PDCD6IP: variants seen among roughly 807,000 people sequenced by gnomAD.
PDCD6IP encodes programmed cell death 6 interacting protein.
A neutral mutation model predicts 103.7 loss-of-function variants in PDCD6IP; 43 were observed. That is an observed-to-expected ratio of 0.41 (90% CI 0.32 to 0.53). The LOEUF (loss-of-function observed/expected upper bound fraction) is 0.53, where lower values mean the gene tolerates loss of function less well. PDCD6IP is among the 20% of genes least tolerant of loss of function. The probability of loss-of-function intolerance (pLI) is 0.16; values close to 1 mark genes in which losing one functional copy is unlikely to be tolerated. For missense variants in PDCD6IP, 871 were observed against 1,036.7 expected (o/e 0.84, Z 2.20); for synonymous variants, 354 against 378.7 (o/e 0.93, Z 0.76).
At chr3:33,832,104 G>A (rs1340827793) in intron 7 of PDCD6IP, among the ~76,000 whole-genome samples, 3 of 152,136 alleles carry the variant, frequency 2.0e-5, no homozygotes, top group Non-Finnish European at 2.9e-5. Context: ...CCATAAACTG[G>A]GTGGTTTAAA....
At chr3:33,806,676 C>G (rs1433265973) in intron 1 of PDCD6IP, among the ~76,000 whole-genome samples, 1 of 152,162 alleles carries the variant, frequency 6.6e-6, no homozygotes, top group Non-Finnish European at 1.5e-5. Flanking sequence ...GAGTCTGCTG[C>G]TATAGTAAAG....
chr3:33,859,649 T>A (rs1051947763), intron 15 of PDCD6IP, among the ~76,000 whole-genome samples: 4 of 152,194 alleles, frequency 2.6e-5, no homozygotes, highest in African/African-American at 9.6e-5. Context: ...TTTTTCAGAT[T>A]GGCAAGAATC....
At chr3:33,826,822 T>C (rs749123057) in intron 6 of PDCD6IP, 37 of 1,263,252 alleles carry the variant, frequency 2.9e-5, no homozygotes, top group Non-Finnish European at 3.7e-5. Flanking sequence ...GCTAGAACTC[T>C]TTCTGGAAAA....
intron 12 of PDCD6IP, among the ~76,000 whole-genome samples, chr3:33,849,224 G>C (rs886533500): frequency 3.3e-5 from 5 of 152,230 alleles, no homozygotes; most frequent in Non-Finnish European, 7.3e-5. Context: ...GCTTCAGCCA[G>C]AGTGGCGTTT....
At chr3:33,853,628 A>G (rs1380693216) in intron 13 of PDCD6IP, among the ~76,000 whole-genome samples, 1 of 152,152 alleles carries the variant, frequency 6.6e-6, no homozygotes, top group East Asian at 1.9e-4. Context: ...TATTTTTTAC[A>G]AGTGTTATAT....
In PDCD6IP at chr3:33,853,913, C is replaced by G. The variant is rs147601956; in HGVS notation, c.1925C>G (p.Ser642Cys). ...SHQEFSKMKQSNNEANLREEV... is the reference protein window; with the variant it reads ...SHQEFSKMKQCNNEANLREEV... ...CAGGAATTTTCAAAAATGAAACAAT[C>G]TAATAATGAAGCTAACTTAAGAGAA... Residue 642 changes from serine to cysteine, a missense_variant, in exon 14 of 18, where the codon TCT becomes TGT. By Grantham distance (112) the Ser-to-Cys change is moderately radical. Coordinates refer to ENST00000307296, the MANE Select transcript of PDCD6IP (RefSeq NM_013374.6). 5.1e-6 allele frequency: 8 copies of G among 1,573,494 alleles called. No individual in the cohort carries two copies. The highest frequency in any genetic ancestry group is 6.0e-6 in the Non-Finnish European group (7 of 1,165,282).
Position 33,849,324 on chromosome 3 carries a change from C to T in PDCD6IP, c.1642-3164C>T, listed in dbSNP as rs544789175. ...CTGTGCAGGGCTTTCTTCCCATTTC[C>T]GTGGCTGTTACCTCTTTTTCATTAG... On this transcript the variant is annotated intron_variant, in intron 12 of 17. Transcript: ENST00000307296. Among the ~76,000 whole-genome samples the T allele has an allele frequency of 1.1e-3, 166 of 152,062 alleles. 1 individual carries two copies. The highest frequency in any genetic ancestry group is 3.5e-3 in the African/African-American group (146 of 41,514).
chr3:33,827,156 C>A (rs1186273433), intron 6 of PDCD6IP: 2 of 984,726 alleles, frequency 2.0e-6, no homozygotes, highest in Non-Finnish European at 1.2e-6. Context: ...TTAATGTAAA[C>A]CTTTCTGAAG....
intron 16 of PDCD6IP, among the ~76,000 whole-genome samples, chr3:33,864,657 G>C (rs6799893): frequency 6.6e-6 from 1 of 152,188 alleles, no homozygotes; most frequent in Non-Finnish European, 1.5e-5. Context: ...TTGGGGAATA[G>C]CATTAGTTTT....
At chr3:33,799,906 G>T (rs1222187308) in intron 1 of PDCD6IP, among the ~76,000 whole-genome samples, 1 of 151,498 alleles carries the variant, frequency 6.6e-6, no homozygotes, top group East Asian at 1.9e-4. Context: ...GGATCACGAG[G>T]TCAGGAGATC....
At chr3:33,851,040 C>T (rs1240269632) in intron 12 of PDCD6IP, among the ~76,000 whole-genome samples, 7 of 152,020 alleles carry the variant, frequency 4.6e-5, no homozygotes, top group African/African-American at 1.5e-4. Flanking sequence ...TTAGCAGAAA[C>T]CTCGAGTCTC....
At chr3:33,811,893 GT>G (rs1414506078) in intron 1 of PDCD6IP, among the ~76,000 whole-genome samples, 178 bp from the exon 2 acceptor site, 1 of 152,126 alleles carries the variant, frequency 6.6e-6, no homozygotes, top group Non-Finnish European at 1.5e-5. Flanking sequence ...TTTGTTCATA[GT>G]TTTTCACTGC....
At chr3:33,859,935 G>A (rs1250051452) in intron 15 of PDCD6IP, among the ~76,000 whole-genome samples, 1 of 152,080 alleles carries the variant, frequency 6.6e-6, no homozygotes, top group African/African-American at 2.4e-5. Flanking sequence ...GACCAGGGCT[G>A]GTGAAATAAA....
At chr3:33,847,359 G>A (rs1298383149) in intron 12 of PDCD6IP, among the ~76,000 whole-genome samples, 1 of 152,162 alleles carries the variant, frequency 6.6e-6, no homozygotes, top group African/African-American at 2.4e-5. Context: ...CAGGAGAAAG[G>A]AACTTTTATA....
At chr3:33,827,749 GAA>G (rs1697160513) in intron 6 of PDCD6IP, 1 of 152,156 alleles carries the variant, frequency 6.6e-6, no homozygotes, top group Non-Finnish European at 1.5e-5. Context: ...GGTATTCCTT[GAA>G]AATCTCCTGT....
chr3:33,805,627 C>A (rs1205456278), intron 1 of PDCD6IP, among the ~76,000 whole-genome samples: 1 of 151,554 alleles, frequency 6.6e-6, no homozygotes, highest in Non-Finnish European at 1.5e-5. Context: ...GCTGTGTTGT[C>A]CAGGCTGGTC....
intron 6 of PDCD6IP, chr3:33,828,350 T>C (rs1697174160): frequency 6.6e-6 from 1 of 152,234 alleles, no homozygotes; most frequent in Admixed American, 6.6e-5. Context: ...TGAATTTAAG[T>C]GAAAATTTAC....
chr3:33,798,678 C>T lies in PDCD6IP; in HGVS notation c.-51C>T, dbSNP rs1696388637. ...CCAGTACCTCTCTCTCCTCGGCCCT[C>T]GTAAGCTGTCCGCGGTCTGTTTGGC... On this transcript the variant is annotated 5_prime_UTR_variant, in exon 1 of 18. Transcript: ENST00000307296. 1 of 1,465,750 alleles carries T rather than the reference C, an allele frequency of 6.8e-7. No homozygotes were observed. Among genetic ancestry groups the T allele is most frequent in the Non-Finnish European group, 9.2e-7 (1 of 1,088,226 alleles). 90.8% of individuals were successfully genotyped at this position (1,465,750 alleles called of 1,614,324 possible). A position where few individuals can be genotyped will look rare whatever the true frequency, so the allele number is the denominator to read the frequency against.
chr3:33,804,200 C>T (rs1482708654), intron 1 of PDCD6IP, among the ~76,000 whole-genome samples: 1 of 152,160 alleles, frequency 6.6e-6, no homozygotes, highest in Non-Finnish European at 1.5e-5. Context: ...GAAACAGGAA[C>T]TCTCACAAAG....
Sources: allele counts gnomAD v4.1 joint callset (sites outside exome capture counted in the v4.1 genomes callset), GRCh38; gene constraint gnomAD v4.1.1; transcripts MANE v1.5; gene names NCBI Gene and HGNC (gene_info 2026-07-23, HGNC 2026-07-21).